The following NECTIN2 variants were observed in gnomAD, a reference collection of about 807,000 sequenced individuals.
The protein encoded by NECTIN2 is nectin-2.
A neutral mutation model predicts 56.9 loss-of-function variants in NECTIN2; 23 were observed. The observed-to-expected ratio is 0.40, with a 90% CI of 0.29 to 0.57. The LOEUF is 0.57. Ranked by LOEUF, NECTIN2 falls within the 20% of genes least tolerant of loss-of-function variation. The pLI is 0.38. For synonymous variants in NECTIN2, 302 were observed against 313.8 expected (o/e 0.96, Z 0.40); for missense variants, 587 against 718.3 (o/e 0.82, Z 2.09).
intron 2 of NECTIN2, among the ~76,000 whole-genome samples, chr19:44,870,238 G>A (rs921848679): frequency 1.1e-4 from 16 of 152,170 alleles, no homozygotes; most frequent in Admixed American, 2.0e-4. Context: ...ATGTGGAGTG[G>A]CCAGGGGAGG....
Position 44,874,117 on chromosome 19 carries a change from G to T in NECTIN2, c.893+84G>T. The T allele has an allele frequency of 7.8e-7, 1 of 1,276,888 alleles. No homozygotes were observed. Among genetic ancestry groups the T allele is most frequent in the Non-Finnish European group, 1.1e-6 (1 of 911,994 alleles). The allele number at this position is 1,276,888 out of a possible 1,614,324, so 79.1% of individuals were successfully genotyped here. On this transcript the variant is annotated intron_variant, in intron 4 of 8. Transcript: ENST00000252483. The surrounding 1 kb of genome is among the most constrained non-coding windows in gnomAD (Gnocchi z 6.3). ...TCCTGGATCTAAGGGAGGAGGGGCT[G>T]GGGGCCTGGACTCCTGGATCTGAGG...
In NECTIN2 at chr19:44,865,537, G is replaced by T; in HGVS notation, c.355G>T (p.Glu119Ter). ...KQSTGQDTEA[E>*]LQDATLALHG... is the part of the protein sequence containing the mutation. ...GAGCACTGGGCAAGACACAGAGGCA[G>T]AGCTCCAGGACGCCACGCTGGCCCT... The change falls in exon 2 of 9, where the codon GAG (glutamate) becomes TAG (stop). Residue 119 changes from glutamate to a stop codon, truncating the protein, a stop_gained. Transcript: ENST00000252483. LOFTEE classifies it high-confidence loss of function. This position sits in a 1 kb window ranked among gnomAD's most constrained non-coding sequence, Gnocchi z 5.2. 1 of 1,580,714 alleles carries T rather than the reference G, an allele frequency of 6.3e-7. No homozygotes were observed. Among genetic ancestry groups the T allele is most frequent in the Non-Finnish European group, 8.6e-7 (1 of 1,164,368 alleles).
At chr19:44,859,655 C>G (rs1028500316) in intron 1 of NECTIN2, among the ~76,000 whole-genome samples, 47 of 152,236 alleles carry the variant, frequency 3.1e-4, no homozygotes, top group Middle Eastern at 6.8e-3. Flanking sequence ...GAACTCTGGT[C>G]TCTACTAAAA....
At position 44,874,210 on chromosome 19, in the gene NECTIN2, G is replaced by A. The variant is rs2075642; in HGVS notation, c.894-120G>A. On this transcript the variant is annotated intron_variant, in intron 4 of 8. Coordinates refer to ENST00000252483, the MANE Select transcript of NECTIN2 (RefSeq NM_001042724.2). The surrounding 1 kb of genome is among the most constrained non-coding windows in gnomAD (Gnocchi z 6.3). ...GGGAGCTTGCATTTTGGCAATTTGG[G>A]GTCTCCGGGAGTACTTAGGTCCCTG... 268,924 of 1,351,646 alleles carry A rather than the reference G, an allele frequency of 0.2. 27,487 individuals are homozygous for A. The highest frequency in any genetic ancestry group is 0.3 in the Middle Eastern group (1,248 of 4,188). The allele number at this position is 1,351,646 out of a possible 1,614,324, so 83.7% of individuals were successfully genotyped here.
intron 2 of NECTIN2, among the ~76,000 whole-genome samples, chr19:44,866,535 G>T (rs568980169): frequency 6.6e-6 from 1 of 152,164 alleles, no homozygotes; most frequent in South Asian, 2.1e-4. Context: ...AGCCCTCTGG[G>T]TATCTAAGGG....
rs1357735720 is a variant in NECTIN2 at position 44,846,466 on chromosome 19, C to G, written c.-60C>G. 7.2e-7 allele frequency: 1 copy of G among 1,397,964 alleles called. No individual in the cohort carries two copies. 86.6% of individuals were successfully genotyped at this position (1,397,964 alleles called of 1,614,324 possible). ...GCACCTACTAAACCGCCCAGCCGAT[C>G]GGCCCCCACAGAGTGGCCCGCGGGC... On this transcript the variant is annotated 5_prime_UTR_variant, in exon 1 of 9. It adds an upstream start codon to the 5' untranslated region. Transcript: ENST00000252483.
chr19:44,848,945 C>T (rs981337850), intron 1 of NECTIN2, among the ~76,000 whole-genome samples: 1 of 152,158 alleles, frequency 6.6e-6, no homozygotes, highest in Non-Finnish European at 1.5e-5. Flanking sequence ...CCCTGCCCAT[C>T]CGTGTGTCCA....
chr19:44,872,907 A>T (rs1473717725), intron 3 of NECTIN2, among the ~76,000 whole-genome samples: 1 of 144,994 alleles, frequency 6.9e-6, no homozygotes, highest in East Asian at 1.9e-4. Context: ...TATTTAATAT[A>T]ATATAATTAC....
chr19:44,887,292 T>G (rs1018098495), intron 8 of NECTIN2, among the ~76,000 whole-genome samples: 4 of 149,952 alleles, frequency 2.7e-5, no homozygotes, highest in African/African-American at 9.9e-5. Context: ...GAAGTTGCAA[T>G]GAGCTGAGAC....
chr19:44,874,552 G>T lies in NECTIN2; in HGVS notation c.1042+74G>T. 6.3e-7 allele frequency: 1 copy of T among 1,576,750 alleles called. No individual in the cohort carries two copies. The highest frequency in any genetic ancestry group is 8.6e-7 in the Non-Finnish European group (1 of 1,160,104). ...GGAGTTCTGCCCTTCAGGACTTGGGGCTGCACTGGGGGAGGCTGCGCCGCC... is the reference window on the plus strand; with the variant it reads ...GGAGTTCTGCCCTTCAGGACTTGGGTCTGCACTGGGGGAGGCTGCGCCGCC... On this transcript the variant is annotated intron_variant, in intron 5 of 8. Transcript: ENST00000252483. This position sits in a 1 kb window ranked among gnomAD's most constrained non-coding sequence, Gnocchi z 6.3.
chr19:44,874,096 G>A lies in NECTIN2; in HGVS notation c.893+63G>A. The stretch of plus-strand genomic sequence containing the variant: ...GGCGGGGCTGGGGGCCTGGACTCCT[G>A]GATCTAAGGGAGGAGGGGCTGGGGG... On this transcript the variant is annotated intron_variant, in intron 4 of 8. Transcript: ENST00000252483. The surrounding 1 kb of genome is among the most constrained non-coding windows in gnomAD (Gnocchi z 6.3). 7.2e-7 allele frequency: 1 copy of A among 1,395,602 alleles called. No individual in the cohort carries two copies. Among genetic ancestry groups the A allele is most frequent in the Middle Eastern group, 1.8e-4 (1 of 5,548 alleles). The allele number at this position is 1,395,602 out of a possible 1,614,324, so 86.5% of individuals were successfully genotyped here.
intron 5 of NECTIN2, among the ~76,000 whole-genome samples, chr19:44,880,334 A>G (rs1429335212): frequency 1.3e-5 from 2 of 152,152 alleles, no homozygotes. Flanking sequence ...TAGTATGGAA[A>G]TTGGCAAGTA....
intron 1 of NECTIN2, among the ~76,000 whole-genome samples, chr19:44,859,131 A>G (rs1428370048): frequency 1.3e-5 from 2 of 152,248 alleles, no homozygotes; most frequent in Middle Eastern, 6.8e-3. Context: ...CACCGCCTCC[A>G]TGGCCCATCT....
rs34777587 is a variant in NECTIN2, at chr19:44,865,653, A to G, written c.471A>G (p.Arg157=). The G allele has an allele frequency of 3.1e-3, 4,662 of 1,526,404 alleles. 141 individuals are homozygous for G. The African/African-American group carries it at 0.053, about 17-fold the overall frequency. 94.6% of individuals were successfully genotyped at this position (1,526,404 alleles called of 1,614,324 possible). The change falls in exon 2 of 9, where the codon AGA becomes AGG. Residue 157 remains arginine (R), a synonymous_variant. Coordinates refer to ENST00000252483, the MANE Select transcript of NECTIN2 (RefSeq NM_001042724.2). This position sits in a 1 kb window ranked among gnomAD's most constrained non-coding sequence, Gnocchi z 5.2. The part of the protein sequence containing the change: ...KGSVRGMTWL[R]VIAKPKNQAE... Reference sequence around the variant, plus strand: ...CCGTCCGAGGGATGACCTGGCTCAGAGTCATAGGTGAGCAGGGTAAGGGCG... The same window carrying G: ...CCGTCCGAGGGATGACCTGGCTCAGGGTCATAGGTGAGCAGGGTAAGGGCG...
In NECTIN2 at chr19:44,886,154, G is replaced by A; in HGVS notation, c.1282G>A (p.Gly428Arg). 6.2e-7 allele frequency: 1 copy of A among 1,613,288 alleles called. No individual in the cohort carries two copies. Among genetic ancestry groups the A allele is most frequent in the Non-Finnish European group, 8.5e-7 (1 of 1,179,752 alleles). Residue 428 changes from glycine (G) to arginine (R), a missense_variant, in exon 8 of 9, where the codon GGG becomes AGG. Transcript: ENST00000252483. The part of the protein sequence containing the change: ...QEMPSQLFTL[G>R]ASEHSPLKTP... ...ACAGCCCTCCCAGCTCTTCACTCTG[G>A]GGGCCTCGGAGCACAGCCCACTCAA... is the stretch of plus-strand genomic sequence containing the variant.
intron 5 of NECTIN2, chr19:44,878,661 G>A (rs769138432): frequency 2.6e-5 from 26 of 984,992 alleles, no homozygotes; most frequent in African/African-American, 9.0e-5. Context: ...CGGCCCTCCC[G>A]CCCCCGACCT....
rs112074905 is a variant in NECTIN2, at chr19:44,875,933, C to T, written c.1042+1455C>T. ...CTGGCGCGTGAGGATGCACATAAGTCCCCGGAGGAAGACGTCACACAGACA... is the reference window on the plus strand; with the variant it reads ...CTGGCGCGTGAGGATGCACATAAGTTCCCGGAGGAAGACGTCACACAGACA... On this transcript the variant is annotated intron_variant, in intron 5 of 8. Coordinates refer to ENST00000252483, the MANE Select transcript of NECTIN2 (RefSeq NM_001042724.2). This position sits in a 1 kb window ranked among gnomAD's most constrained non-coding sequence, Gnocchi z 4.2. Among the ~76,000 whole-genome samples, 273 of 152,208 alleles carry T rather than the reference C, an allele frequency of 1.8e-3. 1 individual carries two copies. Among genetic ancestry groups the T allele is most frequent in the African/African-American group, 6.3e-3 (261 of 41,522 alleles).
intron 8 of NECTIN2, among the ~76,000 whole-genome samples, chr19:44,887,531 G>T (rs1421899896): frequency 6.6e-6 from 1 of 152,078 alleles, no homozygotes; most frequent in African/African-American, 2.4e-5. Flanking sequence ...TGTAATCCCA[G>T]CTACTTGGGA....
At chr19:44,878,043 A>AC (rs1491551106) in intron 5 of NECTIN2, among the ~76,000 whole-genome samples, 5 of 111,978 alleles carry the variant, frequency 4.5e-5, no homozygotes, top group Admixed American at 9.2e-5. Flanking sequence ...CTGCTTCCCC[A>AC]CCCCCCTCCT....
Sources: gnomAD v4.1 joint callset for allele counts (sites outside exome capture counted in the v4.1 genomes callset) on GRCh38, gnomAD v4.1.1 for gene constraint, Gnocchi (gnomAD v3.1) non-coding constraint, MANE v1.5 for transcripts, NCBI Gene and HGNC (gene_info 2026-07-23, HGNC 2026-07-21) for gene names.